The following GUCY1A2 variants were observed in gnomAD, a reference collection of about 807,000 sequenced individuals.
GUCY1A2 encodes the protein guanylate cyclase soluble subunit alpha-2.
In GUCY1A2, 27 loss-of-function variants were observed where a neutral mutation model predicts 63.5. The observed-to-expected ratio is 0.43, with a 90% CI of 0.31 to 0.59. The LOEUF (loss-of-function observed/expected upper bound fraction) is 0.59, where lower values mean the gene tolerates loss of function less well. GUCY1A2 is among the 20% of genes least tolerant of loss of function. The pLI is 0.11. For missense variants in GUCY1A2, 768 were observed against 913.3 expected, an observed-to-expected ratio of 0.84 and a Z score of 2.05; for synonymous variants, 364 against 343.5, an observed-to-expected ratio of 1.06 and a Z score of -0.66.
At chr11:106,776,899 GCCTTTT>G (rs1864366991) in intron 5 of GUCY1A2, among the ~76,000 whole-genome samples, 2 of 151,992 alleles carry the variant, frequency 1.3e-5, no homozygotes. Context: ...CCAAATAATC[GCCTTTT>G]CCAGAGCCAT....
At chr11:106,960,998 G>A (rs948483141) in intron 3 of GUCY1A2, among the ~76,000 whole-genome samples, 1 of 152,084 alleles carries the variant, frequency 6.6e-6, no homozygotes, top group African/African-American at 2.4e-5. Context: ...ATGCTAAGTG[G>A]AACAAAATTT....
chr11:106,913,690 A>G (rs186680381), intron 4 of GUCY1A2, among the ~76,000 whole-genome samples: 1 of 152,234 alleles, frequency 6.6e-6, no homozygotes, highest in East Asian at 1.9e-4. Context: ...CAGTACCTAA[A>G]TGAGGCTAGA....
intron 1 of GUCY1A2, among the ~76,000 whole-genome samples, chr11:107,013,671 C>T (rs544165977): frequency 2.5e-4 from 38 of 151,812 alleles, no homozygotes; most frequent in Non-Finnish European, 5.3e-4. Context: ...CCTCAGCCTC[C>T]CAAGTAGCTG....
chr11:106,813,612 A>G (rs1858793410), intron 4 of GUCY1A2, among the ~76,000 whole-genome samples: 1 of 152,090 alleles, frequency 6.6e-6, no homozygotes, highest in Admixed American at 6.6e-5. Context: ...TTATAAGAAA[A>G]TCATTTGATG....
intron 6 of GUCY1A2, among the ~76,000 whole-genome samples, chr11:106,713,860 G>T (rs920647539): frequency 1.3e-5 from 2 of 151,808 alleles, no homozygotes; most frequent in Admixed American, 1.3e-4. Flanking sequence ...AATTTATATT[G>T]TTATCTTGTG....
chr11:106,910,306 C>T (rs1860275336), intron 4 of GUCY1A2, among the ~76,000 whole-genome samples: 1 of 151,786 alleles, frequency 6.6e-6, no homozygotes, highest in Non-Finnish European at 1.5e-5. Context: ...ATGTAAAGGG[C>T]CAAAAATACA....
intron 4 of GUCY1A2, among the ~76,000 whole-genome samples, chr11:106,931,646 G>A (rs976849668): frequency 8.5e-5 from 13 of 152,152 alleles, no homozygotes; most frequent in African/African-American, 2.9e-4. Flanking sequence ...ATAGAATACT[G>A]TTCATCAGGA....
At chr11:106,845,206 T>C (rs1859254185) in intron 4 of GUCY1A2, among the ~76,000 whole-genome samples, 1 of 151,538 alleles carries the variant, frequency 6.6e-6, no homozygotes, top group Admixed American at 6.6e-5. Flanking sequence ...AGCAAATGGC[T>C]TATGTTTCAT....
In GUCY1A2 at chr11:106,738,055, CTG is replaced by C. The variant is rs534680286; in HGVS notation, c.1837-29391_1837-29390del. Among the ~76,000 whole-genome samples the C allele has an allele frequency of 2.6e-5, 4 of 152,314 alleles. No homozygotes were observed. In the South Asian group the frequency reaches 8.3e-4, roughly 32 times the overall value. On this transcript the variant is annotated intron_variant, in intron 6 of 7. Transcript: ENST00000526355. ...TATTTCTCCACATCCTCTCCAGCAA[CTG>C]TTGTTTCCTGACTTTTTAATAATCA...
chr11:106,973,874 A>G (rs185451779), intron 3 of GUCY1A2, among the ~76,000 whole-genome samples: 1 of 152,270 alleles, frequency 6.6e-6, no homozygotes, highest in African/African-American at 2.4e-5. Flanking sequence ...TGTTTGTTAT[A>G]TACCATGCTG....
chr11:106,934,606 T>C (rs1318725315), intron 4 of GUCY1A2, among the ~76,000 whole-genome samples: 2 of 152,228 alleles, frequency 1.3e-5, no homozygotes, highest in Non-Finnish European at 2.9e-5. Flanking sequence ...TACTTTATTC[T>C]TTGAAAATTG....
chr11:106,777,862 C>G (rs534586096), intron 5 of GUCY1A2, among the ~76,000 whole-genome samples: 13 of 152,182 alleles, frequency 8.5e-5, no homozygotes, highest in African/African-American at 2.9e-4. Flanking sequence ...GTATTAGTGA[C>G]ATTTGAAAGA....
chr11:106,827,585 G>A (rs1055320972), intron 4 of GUCY1A2: 8 of 1,457,760 alleles, frequency 5.5e-6, no homozygotes, highest in African/African-American at 2.8e-5. Context: ...CATGCTGATT[G>A]CCATCTTCTG....
chr11:107,011,849 C>A (rs1315525027), intron 1 of GUCY1A2, among the ~76,000 whole-genome samples: 1 of 151,404 alleles, frequency 6.6e-6, no homozygotes, highest in African/African-American at 2.4e-5. Context: ...GAAGGCAGCA[C>A]CATAAAATAT....
At chr11:106,703,256 T>A (rs550797315) in intron 7 of GUCY1A2, among the ~76,000 whole-genome samples, 9 of 152,264 alleles carry the variant, frequency 5.9e-5, no homozygotes, top group Middle Eastern at 6.8e-3. Context: ...TACTCCTTAA[T>A]AAACTCCCCT....
intron 6 of GUCY1A2, among the ~76,000 whole-genome samples, chr11:106,748,743 T>C (rs1346023935): frequency 6.6e-6 from 1 of 152,206 alleles, no homozygotes. Flanking sequence ...AATACGCTAA[T>C]ATTTACCTTC....
At chr11:106,782,637 T>G (rs1289941491) in intron 5 of GUCY1A2, among the ~76,000 whole-genome samples, 1 of 152,162 alleles carries the variant, frequency 6.6e-6, no homozygotes, top group Non-Finnish European at 1.5e-5. Context: ...GTAGAGGGCT[T>G]CTCCAATGGT....
chr11:106,896,019 A>T (rs185024717), intron 4 of GUCY1A2, among the ~76,000 whole-genome samples: 4,058 of 148,660 alleles, frequency 0.027, 123 homozygotes, highest in African/African-American at 0.078. Context: ...AAAAAAAAAA[A>T]AAATATATAT....
At chr11:106,694,018 G>C (rs926670133) in intron 7 of GUCY1A2, among the ~76,000 whole-genome samples, 1 of 152,232 alleles carries the variant, frequency 6.6e-6, no homozygotes, top group Middle Eastern at 3.4e-3. Context: ...TTATGACATG[G>C]TTAGAAGTTT....
Sources: allele counts gnomAD v4.1 joint callset (sites outside exome capture counted in the v4.1 genomes callset), GRCh38; gene constraint gnomAD v4.1.1; transcripts MANE v1.5; gene names NCBI Gene and HGNC (gene_info 2026-07-23, HGNC 2026-07-21).